Variants in CNTN1 observed in about 807,000 individuals in gnomAD.
CNTN1 encodes the protein contactin 1, also known as contactin-1.
In CNTN1, 38 loss-of-function variants were observed where a neutral mutation model predicts 126.4. That is an observed-to-expected ratio of 0.30 (90% CI 0.23 to 0.39). CNTN1 has a LOEUF of 0.39. Among genes scored for constraint, CNTN1 ranks in the 10% least tolerant of loss-of-function variants. The pLI, the probability that CNTN1 is intolerant of heterozygous loss-of-function variation, is 1.00. For missense variants in CNTN1, 1,009 were observed against 1,248.4 expected (o/e 0.81, Z 2.89); for synonymous variants, 413 against 422.6 (o/e 0.98, Z 0.28).
At chr12:40,909,197 A>T (rs1944941184) in intron 2 of CNTN1, among the ~76,000 whole-genome samples, 1 of 152,064 alleles carries the variant, frequency 6.6e-6, no homozygotes, top group Non-Finnish European at 1.5e-5. Context: ...CAATTTTGAG[A>T]GTACATTCAT....
At chr12:40,705,890 G>A (rs11177934) in intron 1 of CNTN1, among the ~76,000 whole-genome samples, 23,240 of 151,850 alleles carry the variant, frequency 0.15, 2,471 homozygotes, top group East Asian at 0.48. Context: ...TGGCGGGGAG[G>A]TGCTGCATGC....
chr12:40,993,219 G>A lies in CNTN1; in HGVS notation c.2063G>A (p.Gly688Asp). The A allele has an allele frequency of 1.2e-6, 2 of 1,613,866 alleles. No individual in the cohort carries two copies. Among genetic ancestry groups the A allele is most frequent in the Non-Finnish European group, 1.7e-6 (2 of 1,179,790 alleles). The part of the protein sequence containing the change: ...EFRVVATNTL[G>D]RGEPSIPSNR... ...CGCGTGGTAGCAACCAATACACTGG[G>A]TAGAGGAGAGCCCAGTATACCATCT... Residue 688 changes from glycine (G) to aspartate (D), a missense_variant, in exon 17 of 24, where the codon GGT becomes GAT. By Grantham distance (94) the Gly-to-Asp change is moderately conservative (BLOSUM62 -1). Coordinates refer to ENST00000551295, the MANE Select transcript of CNTN1 (RefSeq NM_001843.4).
chr12:40,886,983 G>C (rs1944058533), intron 1 of CNTN1, among the ~76,000 whole-genome samples: 2 of 152,306 alleles, frequency 1.3e-5, no homozygotes, highest in Admixed American at 1.3e-4. Context: ...TTGTAGTGTA[G>C]TTTGAAGTCA....
intron 1 of CNTN1, among the ~76,000 whole-genome samples, chr12:40,752,958 A>T (rs1316175778): frequency 6.6e-6 from 1 of 152,200 alleles, no homozygotes; most frequent in Non-Finnish European, 1.5e-5. Flanking sequence ...CATGATTGGA[A>T]TGTAGAACCT....
chr12:40,801,720 G>A (rs754755169), intron 1 of CNTN1, among the ~76,000 whole-genome samples: 1 of 151,828 alleles, frequency 6.6e-6, no homozygotes, highest in Non-Finnish European at 1.5e-5. Flanking sequence ...CCAACTGGAT[G>A]TTTTATGCCA....
chr12:41,031,238 C>T (rs1444368888), intron 23 of CNTN1, among the ~76,000 whole-genome samples: 3 of 152,134 alleles, frequency 2.0e-5, no homozygotes, highest in Non-Finnish European at 4.4e-5. Flanking sequence ...TAGGGGAAAG[C>T]CCTGTTTATA....
At chr12:40,897,633 A>C (rs1318998532) in intron 1 of CNTN1, among the ~76,000 whole-genome samples, 1 of 152,142 alleles carries the variant, frequency 6.6e-6, no homozygotes, top group African/African-American at 2.4e-5. Flanking sequence ...CCTACTGACA[A>C]ATTAATTAAT....
At chr12:40,842,771 G>A (rs988542785) in intron 1 of CNTN1, among the ~76,000 whole-genome samples, 1 of 152,018 alleles carries the variant, frequency 6.6e-6, no homozygotes, top group Non-Finnish European at 1.5e-5. Context: ...TTGAATAAAA[G>A]AGCACATGAA....
Position 41,016,733 on chromosome 12 carries a change from T to C in CNTN1, c.2236T>C (p.Phe746Leu). ...YGNNFGYIVA[F>L]KPFDGEEWKK... ...CAACAATTTTGGTTACATAGTGGCA[T>C]TTAAGCCATTTGATGGAGAAGAATG... Residue 746 changes from phenylalanine (F) to leucine (L), a missense_variant, in exon 19 of 24, where the codon TTT becomes CTT. Coordinates refer to ENST00000551295, the MANE Select transcript of CNTN1 (RefSeq NM_001843.4). 1 of 1,614,172 alleles carries C rather than the reference T, an allele frequency of 6.2e-7. No individual in the cohort carries two copies.
intron 1 of CNTN1, among the ~76,000 whole-genome samples, chr12:40,721,701 C>G (rs1483830141): frequency 1.0e-5 from 1 of 98,542 alleles, no homozygotes; most frequent in African/African-American, 3.8e-5. Context: ...TCCCTCCCCC[C>G]TCCCCCCACC....
chr12:40,940,890 A>G (rs1335988715), intron 12 of CNTN1, among the ~76,000 whole-genome samples: 1 of 152,180 alleles, frequency 6.6e-6, no homozygotes, highest in African/African-American at 2.4e-5. Context: ...CAATGCAGAG[A>G]CCATGATCAA....
chr12:40,911,144 G>T (rs562882686), intron 3 of CNTN1, among the ~76,000 whole-genome samples: 7 of 151,790 alleles, frequency 4.6e-5, no homozygotes, highest in Non-Finnish European at 7.4e-5. Context: ...GCAGCGGCGC[G>T]ATCTCGGCTC....
intron 1 of CNTN1, among the ~76,000 whole-genome samples, chr12:40,864,035 T>C (rs1372469795): frequency 6.8e-6 from 1 of 146,700 alleles, no homozygotes; most frequent in Non-Finnish European, 1.5e-5. Flanking sequence ...TTTTTTTTTT[T>C]TTTTGACAGA....
chr12:40,721,098 C>T (rs1373791598), intron 1 of CNTN1, among the ~76,000 whole-genome samples: 1 of 151,920 alleles, frequency 6.6e-6, no homozygotes, highest in Non-Finnish European at 1.5e-5. Flanking sequence ...AAAACAAATG[C>T]ATTAGTTGAA....
chr12:40,818,848 G>A (rs940904658), intron 1 of CNTN1, among the ~76,000 whole-genome samples: 2 of 151,992 alleles, frequency 1.3e-5, no homozygotes, highest in Admixed American at 6.6e-5. Context: ...CTTTGGATGG[G>A]GTTTTTCTGG....
Position 40,934,009 on chromosome 12 carries a change from GAT to G in CNTN1, c.985+133_985+134del, listed in dbSNP as rs149598838. 374 of 736,064 alleles carry G rather than the reference GAT, an allele frequency of 5.1e-4. No individual in the cohort carries two copies. The African/African-American group carries it at 6.0e-3, about 12-fold the overall frequency. The allele number at this position is 736,064 out of a possible 1,614,324, so 45.6% of individuals were successfully genotyped here. A position where few individuals can be genotyped will look rare whatever the true frequency, so the allele number is the denominator to read the frequency against. On this transcript the variant is annotated intron_variant, in intron 9 of 23. Transcript: ENST00000551295. ...TGATGCATGTTACATCATGGAGAAA[GAT>G]AAAATATTTCTCATATGTCTAATGA...
intron 23 of CNTN1, among the ~76,000 whole-genome samples, chr12:41,030,894 G>T (rs961361373): frequency 5.9e-5 from 9 of 152,102 alleles, no homozygotes; most frequent in African/African-American, 2.2e-4. Context: ...TCAGAACTTT[G>T]TCAACATCTT....
intron 16 of CNTN1, among the ~76,000 whole-genome samples, chr12:40,983,973 CATATA>C (rs964535547): frequency 1.5e-4 from 22 of 145,914 alleles, no homozygotes; most frequent in Non-Finnish European, 2.7e-4. Context: ...GCTATAATAG[CATATA>C]ATATATGATA....
At chr12:40,959,081 A>C (rs1260073369) in intron 14 of CNTN1, 33 bp from the exon 15 acceptor site, 3 of 1,611,106 alleles carry the variant, frequency 1.9e-6, no homozygotes, top group Non-Finnish European at 2.5e-6. Context: ...TGAAAAATGT[A>C]CTGATTTGAA....
Sources: allele counts gnomAD v4.1 joint callset (sites outside exome capture counted in the v4.1 genomes callset), GRCh38; gene constraint gnomAD v4.1.1; transcripts MANE v1.5; gene names NCBI Gene and HGNC (gene_info 2026-07-23, HGNC 2026-07-21).